MN1: variants seen among roughly 807,000 people sequenced by gnomAD.
MN1 encodes transcriptional activator MN1.
Under a neutral mutation model 86.9 loss-of-function variants are expected in MN1, and 19 were observed. The ratio of observed to expected loss-of-function variants is 0.22; its 90% CI spans 0.15 to 0.32. MN1 has a LOEUF of 0.32. Among genes scored for constraint, MN1 ranks in the 10% least tolerant of loss-of-function variants. The pLI, the probability that MN1 is intolerant of heterozygous loss-of-function variation, is 1.00. For missense variants in MN1, 1,841 were observed against 1,862.0 expected (o/e 0.99, Z 0.21); for synonymous variants, 928 against 849.6 (o/e 1.09, Z -1.60).
At chr22:27,775,399 G>A (rs191433345) in intron 1 of MN1, among the ~76,000 whole-genome samples, 92 of 152,230 alleles carry the variant, frequency 6.0e-4, no homozygotes, top group East Asian at 3.5e-3. Flanking sequence ...TGGGCCTCGC[G>A]TCCACTCCAA....
chr22:27,773,567 A>G (rs1282285402), intron 1 of MN1, among the ~76,000 whole-genome samples: 1 of 152,244 alleles, frequency 6.6e-6, no homozygotes, highest in Admixed American at 6.5e-5. Context: ...AAACTGAGAC[A>G]TAACGTAGCA....
At chr22:27,776,904 G>A (rs1484380154) in intron 1 of MN1, among the ~76,000 whole-genome samples, 1 of 152,146 alleles carries the variant, frequency 6.6e-6, no homozygotes, top group Non-Finnish European at 1.5e-5. Context: ...AGAAAAAGGA[G>A]AGGAGGGGGA....
intron 1 of MN1, among the ~76,000 whole-genome samples, chr22:27,754,878 A>C (rs554798392): frequency 5.3e-5 from 8 of 152,328 alleles, no homozygotes; most frequent in African/African-American, 1.4e-4. Flanking sequence ...CACAGGACCC[A>C]GTGAGTGCTG....
chr22:27,785,436 C>T (rs1206609738), intron 1 of MN1, among the ~76,000 whole-genome samples: 1 of 152,194 alleles, frequency 6.6e-6, no homozygotes, highest in African/African-American at 2.4e-5. Context: ...GACGCCAAGA[C>T]GTCTCAAACT....
chr22:27,784,090 C>T (rs983672646), intron 1 of MN1, among the ~76,000 whole-genome samples: 6 of 152,200 alleles, frequency 3.9e-5, no homozygotes, highest in South Asian at 2.1e-4. Context: ...AGAGGGTACT[C>T]GGGAGCTGGA....
chr22:27,783,707 T>C (rs1933084251), intron 1 of MN1, among the ~76,000 whole-genome samples: 1 of 152,204 alleles, frequency 6.6e-6, no homozygotes, highest in South Asian at 2.1e-4. Flanking sequence ...GGAGAAGGTC[T>C]TTCCCATTCT....
In MN1 at chr22:27,749,221, C is replaced by T. The variant is rs531057439; in HGVS notation, c.*1694G>A. 1.7e-5 allele frequency: 4 copies of T among 230,372 alleles called. No individual in the cohort carries two copies. The highest frequency in any genetic ancestry group is 2.6e-5 in the Non-Finnish European group (3 of 116,462). 14.3% of individuals were successfully genotyped at this position (230,372 alleles called of 1,614,324 possible). On this transcript the variant is annotated 3_prime_UTR_variant, in exon 2 of 2. Coordinates refer to ENST00000302326, the MANE Select transcript of MN1 (RefSeq NM_002430.3). ...TGAGGTTTTTCTGAAAGCTCCTCTC[C>T]CTTCGCTGAAAAGTTCTTTGAAATA...
intron 1 of MN1, among the ~76,000 whole-genome samples, chr22:27,770,409 A>G (rs1254877446): frequency 6.6e-6 from 1 of 151,782 alleles, no homozygotes; most frequent in African/African-American, 2.4e-5. Flanking sequence ...CCAACACATA[A>G]ATTTCTGGAG....
At chr22:27,796,661 G>T in intron 1 of MN1, 102 bp downstream of exon 1, 2 of 1,205,954 alleles carry the variant, frequency 1.7e-6, no homozygotes, top group Non-Finnish European at 2.3e-6. Context: ...GAGGGTTTGT[G>T]CCCTCCAAAC....
Position 27,800,885 on chromosome 22 carries a change from G to T in MN1, c.-342C>A. 1.8e-5 allele frequency: 7 copies of T among 385,142 alleles called. No homozygotes were observed. The highest frequency in any genetic ancestry group is 6.1e-5 in the South Asian group (2 of 32,702). 23.9% of individuals were successfully genotyped at this position (385,142 alleles called of 1,614,324 possible). A position where few individuals can be genotyped will look rare whatever the true frequency, so the allele number is the denominator to read the frequency against. On this transcript the variant is annotated 5_prime_UTR_variant, in exon 1 of 2. Transcript: ENST00000302326. The stretch of plus-strand genomic sequence containing the variant: ...AGCCGCGGATGAACGGAGACAAAAA[G>T]TTAAGTGGGGGGAATGGGGAGGGAA...
intron 1 of MN1, among the ~76,000 whole-genome samples, chr22:27,771,870 C>G (rs969112256): frequency 3.3e-5 from 5 of 152,170 alleles, no homozygotes; most frequent in Admixed American, 2.6e-4. Context: ...TGCCCAAGGT[C>G]CCACAGCTGG....
chr22:27,755,260 G>A (rs889983396), intron 1 of MN1, among the ~76,000 whole-genome samples: 4 of 152,146 alleles, frequency 2.6e-5, no homozygotes, highest in Non-Finnish European at 4.4e-5. Flanking sequence ...TGCTGAGCCC[G>A]GCTAAGAGCA....
At chr22:27,789,093 A>G (rs562614675) in intron 1 of MN1, among the ~76,000 whole-genome samples, 1 of 152,334 alleles carries the variant, frequency 6.6e-6, no homozygotes, top group South Asian at 2.1e-4. Context: ...ACAAAGCTGC[A>G]AGGGTGCCTC....
chr22:27,750,727 C>T lies in MN1; in HGVS notation c.*188G>A, dbSNP rs765470413. ...TTAAAAAAACTTTTGAGGTTCCCCC[C>T]CTTTAAATTAACCCTTTCCGGTCCA... On this transcript the variant is annotated 3_prime_UTR_variant, in exon 2 of 2. Coordinates refer to ENST00000302326, the MANE Select transcript of MN1 (RefSeq NM_002430.3). 1 of 453,552 alleles carries T rather than the reference C, an allele frequency of 2.2e-6. No individual in the cohort carries two copies. The highest frequency in any genetic ancestry group is 3.8e-6 in the Non-Finnish European group (1 of 262,180). 28.1% of individuals were successfully genotyped at this position (453,552 alleles called of 1,614,324 possible).
At chr22:27,759,246 C>T (rs1932819613) in intron 1 of MN1, among the ~76,000 whole-genome samples, 1 of 152,108 alleles carries the variant, frequency 6.6e-6, no homozygotes, top group Non-Finnish European at 1.5e-5. Context: ...TCTGCGGGGC[C>T]CCACAACCCC....
In MN1 at chr22:27,801,720, T is replaced by C. The variant is rs1280108761; in HGVS notation, c.-1177A>G. Among the ~76,000 whole-genome samples, 4 of 152,186 alleles carry C rather than the reference T, an allele frequency of 2.6e-5. No individual in the cohort carries two copies. Among genetic ancestry groups the C allele is most frequent in the African/African-American group, 9.7e-5 (4 of 41,446 alleles). On this transcript the variant is annotated 5_prime_UTR_variant, in exon 1 of 2. Coordinates refer to ENST00000302326, the MANE Select transcript of MN1 (RefSeq NM_002430.3). ...CCGAGGGTCTCGGCTCCCCTCTCTG[T>C]GTCTGCCTCTCGCCCAGCGCCGGGA...
chr22:27,755,326 C>G (rs1281636058), intron 1 of MN1, among the ~76,000 whole-genome samples: 1 of 152,180 alleles, frequency 6.6e-6, no homozygotes, highest in Non-Finnish European at 1.5e-5. Context: ...GGGGGTCAGT[C>G]CCAGAGGCTG....
At chr22:27,787,539 A>C (rs1323792223) in intron 1 of MN1, among the ~76,000 whole-genome samples, 2 of 152,092 alleles carry the variant, frequency 1.3e-5, no homozygotes, top group Non-Finnish European at 1.5e-5. Flanking sequence ...TTTGCCTACC[A>C]TTCAGAGAAA....
chr22:27,755,619 T>C (rs1932797180), intron 1 of MN1, among the ~76,000 whole-genome samples: 1 of 152,184 alleles, frequency 6.6e-6, no homozygotes. Flanking sequence ...TCGCTGATCT[T>C]CCGGCCTCTT....
Sources: allele counts gnomAD v4.1 joint callset (sites outside exome capture counted in the v4.1 genomes callset), GRCh38; gene constraint gnomAD v4.1.1; transcripts MANE v1.5; gene names NCBI Gene and HGNC (gene_info 2026-07-23, HGNC 2026-07-21).